Variants in LMNB1 observed in about 807,000 individuals in gnomAD.
LMNB1 encodes lamin B1.
LMNB1 carries 23 observed loss-of-function variants against 67.1 expected under a neutral mutation model. The ratio of observed to expected loss-of-function variants is 0.34; its 90% CI spans 0.25 to 0.49. The LOEUF (loss-of-function observed/expected upper bound fraction) is 0.49. LMNB1 is among the 20% of genes least tolerant of loss of function. The probability of loss-of-function intolerance (pLI) is 0.99; values close to 1 mark genes in which losing one functional copy is unlikely to be tolerated. For missense variants in LMNB1, 634 were observed against 746.5 expected, an observed-to-expected ratio of 0.85 and a Z score of 1.76; for synonymous variants, 281 against 282.9, an observed-to-expected ratio of 0.99 and a Z score of 0.07.
rs776614463 is a variant in LMNB1, at chr5:126,811,759, GCTT to G, written c.814-7_814-5del. 6.3e-7 allele frequency: 1 copy of G among 1,596,948 alleles called. No individual in the cohort carries two copies. Among genetic ancestry groups the G allele is most frequent in the East Asian group, 2.2e-5 (1 of 44,544 alleles). ...TTCTAGATAAGACTGACTATGCTTT[GCTT>G]CTTCTTTTAGCTTGAGAATGCCAGA... On this transcript the variant is annotated splice_polypyrimidine_tract_variant and intron_variant, in intron 4 of 10. Coordinates refer to ENST00000261366, the MANE Select transcript of LMNB1 (RefSeq NM_005573.4).
At chr5:126,821,209 C>T in intron 7 of LMNB1, 74 bp downstream of exon 7, 1 of 974,358 alleles carries the variant, frequency 1.0e-6, no homozygotes, top group South Asian at 1.4e-5. Context: ...GTCATAGCTC[C>T]TTAGTTTTTG....
Position 126,818,590 on chromosome 5 carries a change from TA to T in LMNB1, c.940-329del, listed in dbSNP as rs539683044. 2.6e-5 allele frequency among the ~76,000 whole-genome samples: 4 copies of T among 152,302 alleles called. No individual in the cohort carries two copies. In the South Asian group the frequency reaches 8.3e-4, roughly 32 times the overall value. On this transcript the variant is annotated intron_variant, in intron 5 of 10. Transcript: ENST00000261366. Reference sequence around the variant, plus strand: ...TTTATTTAATTTATACTTTTGGAAGTAAAGGCTTTGTAAGGGAGCCAGACTT... The same window carrying T: ...TTTATTTAATTTATACTTTTGGAAGTAAGGCTTTGTAAGGGAGCCAGACTT...
At chr5:126,805,514 T>A (rs956775572) in intron 2 of LMNB1, 57 bp from the exon 3 acceptor site, 3 of 1,211,706 alleles carry the variant, frequency 2.5e-6, no homozygotes, top group Non-Finnish European at 3.6e-6. Context: ...ATATCTTATG[T>A]TCATTATTAA....
intron 1 of LMNB1, among the ~76,000 whole-genome samples, chr5:126,780,662 A>G (rs1304618750): frequency 1.3e-5 from 2 of 152,196 alleles, no homozygotes; most frequent in Non-Finnish European, 2.9e-5. Flanking sequence ...TCTGAGGGTT[A>G]GTAGTGTTCT....
intron 1 of LMNB1, among the ~76,000 whole-genome samples, chr5:126,783,353 A>G (rs1371043848): frequency 1.6e-5 from 1 of 63,636 alleles, no homozygotes; most frequent in East Asian, 3.3e-4. Context: ...TCAAACTTTT[A>G]TATTTTTATA....
At chr5:126,790,567 T>TC (rs1404438558) in intron 1 of LMNB1, among the ~76,000 whole-genome samples, 3 of 152,104 alleles carry the variant, frequency 2.0e-5, no homozygotes, top group East Asian at 3.8e-4. Context: ...TAGTACTTTT[T>TC]CCCACTTACT....
chr5:126,834,363 G>A (rs1004697209), intron 10 of LMNB1, among the ~76,000 whole-genome samples: 5 of 152,044 alleles, frequency 3.3e-5, no homozygotes, highest in Admixed American at 6.6e-5. Context: ...GCGCCACCAC[G>A]CCTGGCTAAT....
chr5:126,779,869 A>G (rs1023800452), intron 1 of LMNB1, among the ~76,000 whole-genome samples: 1 of 152,202 alleles, frequency 6.6e-6, no homozygotes. Context: ...CGTCTCTACT[A>G]AAAATACAAA....
rs1687132221 is a variant in LMNB1 at position 126,792,446 on chromosome 5, CTT to C, written c.360-12328_360-12327del. Among the ~76,000 whole-genome samples the C allele has an allele frequency of 2.6e-5, 4 of 151,926 alleles. No individual in the cohort carries two copies. The South Asian group carries it at 8.3e-4, about 32-fold the overall frequency. On this transcript the variant is annotated intron_variant, in intron 1 of 10. Coordinates refer to ENST00000261366, the MANE Select transcript of LMNB1 (RefSeq NM_005573.4). ...GCCACTGTGCCTGGTGTGTTTGGTA[CTT>C]TCTCTTATCTTTGCAGAAGTCTTCA...
At chr5:126,777,935 A>T in intron 1 of LMNB1, 68 bp downstream of exon 1, 1 of 1,361,064 alleles carries the variant, frequency 7.3e-7, no homozygotes, top group Non-Finnish European at 9.5e-7. Flanking sequence ...CGACCAGCTC[A>T]CCGGGTTCTG....
Position 126,836,443 on chromosome 5 carries a change from C to A in LMNB1, c.*179C>A. The A allele has an allele frequency of 1.9e-6, 1 of 525,082 alleles. No individual in the cohort carries two copies. 32.5% of individuals were successfully genotyped at this position (525,082 alleles called of 1,614,324 possible). A position where few individuals can be genotyped will look rare whatever the true frequency, so the allele number is the denominator to read the frequency against. Reference sequence around the variant, plus strand: ...GAAAGTTTTGTAAAAGAAATCATGTCCATACACTTTGTTGCAAGATGTGAA... The same window carrying A: ...GAAAGTTTTGTAAAAGAAATCATGTACATACACTTTGTTGCAAGATGTGAA... On this transcript the variant is annotated 3_prime_UTR_variant, in exon 11 of 11. Coordinates refer to ENST00000261366, the MANE Select transcript of LMNB1 (RefSeq NM_005573.4).
chr5:126,834,233 G>A (rs1447793838), intron 10 of LMNB1, among the ~76,000 whole-genome samples: 2 of 151,496 alleles, frequency 1.3e-5, no homozygotes, highest in Non-Finnish European at 2.9e-5. Context: ...TTGAGATAGA[G>A]TCTTGCTGTG....
intron 10 of LMNB1, among the ~76,000 whole-genome samples, chr5:126,834,355 G>A (rs1220656375): frequency 6.6e-6 from 1 of 152,080 alleles, no homozygotes; most frequent in Non-Finnish European, 1.5e-5. Flanking sequence ...ACAGGCATGC[G>A]CCACCACGCC....
intron 5 of LMNB1, among the ~76,000 whole-genome samples, chr5:126,817,246 T>C (rs1011807638): frequency 2.0e-5 from 3 of 152,212 alleles, no homozygotes; most frequent in Admixed American, 1.3e-4. Flanking sequence ...TTTTGAGCAC[T>C]TTGTTGCTTT....
intron 9 of LMNB1, among the ~76,000 whole-genome samples, chr5:126,830,059 A>G (rs1308877758): frequency 6.6e-6 from 1 of 152,272 alleles, no homozygotes; most frequent in Non-Finnish European, 1.5e-5. Flanking sequence ...GTAGAGATGC[A>G]ATATATAAAA....
chr5:126,819,061 A>C lies in LMNB1; in HGVS notation c.1079A>C (p.Tyr360Ser). Residue 360 changes from tyrosine (Y) to serine (S), a missense_variant, in exon 6 of 11, where the codon TAT becomes TCT. Tyr to Ser is a moderately radical substitution (Grantham distance 144). Transcript: ENST00000261366. ...CAAATGCAGCAACAGCTGAATGACTATGAACAGCTTCTTGATGTAAAGTTA... is the reference window on the plus strand; with the variant it reads ...CAAATGCAGCAACAGCTGAATGACTCTGAACAGCTTCTTGATGTAAAGTTA... ...RDQMQQQLND[Y>S]EQLLDVKLAL... is the part of the protein sequence containing the mutation. 6.2e-7 allele frequency: 1 copy of C among 1,614,218 alleles called. No homozygotes were observed. The highest frequency in any genetic ancestry group is 8.5e-7 in the Non-Finnish European group (1 of 1,180,026).
Position 126,826,124 on chromosome 5 carries a change from A to T in LMNB1, c.1611+17A>T. On this transcript the variant is annotated intron_variant, in intron 9 of 10. Transcript: ENST00000261366. The stretch of plus-strand genomic sequence containing the variant: ...CAGGGAGAGGTATGGCCAGTTTATC[A>T]GGACCACCACAATGTTAATTTCACT... 1 of 1,602,810 alleles carries T rather than the reference A, an allele frequency of 6.2e-7. No individual in the cohort carries two copies. Among genetic ancestry groups the T allele is most frequent in the East Asian group, 2.2e-5 (1 of 44,722 alleles).
chr5:126,800,966 T>TATATATAC (rs1554113730), intron 1 of LMNB1, among the ~76,000 whole-genome samples: 4 of 77,600 alleles, frequency 5.2e-5, no homozygotes, highest in Admixed American at 1.5e-4. Flanking sequence ...TATATATATA[T>TATATATAC]ATATATATAT....
rs780849458 is a variant in LMNB1 at position 126,777,715 on chromosome 5, G to A, written c.207G>A (p.Glu69=). 47 of 1,544,378 alleles carry A rather than the reference G, an allele frequency of 3.0e-5. No homozygotes were observed. The African/African-American group carries it at 5.4e-4, about 18-fold the overall frequency. The change falls in exon 1 of 11, where the codon GAG becomes GAA. Residue 69 remains glutamate, a synonymous_variant. Coordinates refer to ENST00000261366, the MANE Select transcript of LMNB1 (RefSeq NM_005573.4). The part of the protein sequence containing the change: ...ALQLQVTERE[E]VRGRELTGLK... ...AGCTGCAGGTGACGGAGCGCGAGGA[G>A]GTGCGCGGCCGTGAGCTCACCGGCC... is the stretch of plus-strand genomic sequence containing the variant.
Sources: gnomAD v4.1 joint callset for allele counts (sites outside exome capture counted in the v4.1 genomes callset) on GRCh38, gnomAD v4.1.1 for gene constraint, MANE v1.5 for transcripts, NCBI Gene and HGNC (gene_info 2026-07-23, HGNC 2026-07-21) for gene names.